Variants in TMEM117 observed in about 807,000 individuals in gnomAD.
TMEM117 encodes transmembrane protein 117.
A neutral mutation model predicts 52.4 loss-of-function variants in TMEM117; 27 were observed. That is an observed-to-expected ratio of 0.51 (90% CI 0.38 to 0.71). TMEM117 has a LOEUF of 0.71. TMEM117 is among the 30% of genes least tolerant of loss of function. The probability of loss-of-function intolerance (pLI) is 0.00; values close to 1 mark genes in which losing one functional copy is unlikely to be tolerated. For synonymous variants in TMEM117, 215 were observed against 206.3 expected (o/e 1.04, Z -0.36); for missense variants, 556 against 630.5 (o/e 0.88, Z 1.26).
intron 2 of TMEM117, among the ~76,000 whole-genome samples, chr12:43,895,848 A>G (rs757508220): frequency 3.3e-5 from 5 of 152,106 alleles, no homozygotes; most frequent in Non-Finnish European, 5.9e-5. Context: ...TTATGTCTCA[A>G]TAGTCTTCAA....
intron 2 of TMEM117, among the ~76,000 whole-genome samples, chr12:43,868,672 T>C (rs1472677258): frequency 6.6e-6 from 1 of 151,952 alleles, no homozygotes; most frequent in Non-Finnish European, 1.5e-5. Context: ...GATGAAGTTA[T>C]ATAAAAATGT....
At chr12:43,890,529 GT>G (rs1301728279) in intron 2 of TMEM117, among the ~76,000 whole-genome samples, 2 of 150,036 alleles carry the variant, frequency 1.3e-5, no homozygotes, top group Non-Finnish European at 1.5e-5. Flanking sequence ...CTTCTTTTTT[GT>G]TTTTTTTTGT....
chr12:43,797,137 A>G, the TMEM117 span: 6 of 1,538,714 alleles, frequency 3.9e-6, no homozygotes, highest in Non-Finnish European at 5.3e-6. Flanking sequence ...TAGCATATCA[A>G]TACATAAACT....
At chr12:44,065,530 T>G (rs1431618152) in intron 3 of TMEM117, among the ~76,000 whole-genome samples, 1 of 152,222 alleles carries the variant, frequency 6.6e-6, no homozygotes, top group Non-Finnish European at 1.5e-5. Context: ...TCATTACATA[T>G]TTCTTAAAAA....
intron 6 of TMEM117, among the ~76,000 whole-genome samples, chr12:44,312,434 C>T (rs1184403494): frequency 6.6e-6 from 1 of 150,960 alleles, no homozygotes; most frequent in Non-Finnish European, 1.5e-5. Flanking sequence ...CTGCAAAGGA[C>T]ATGATTTTTT....
intron 2 of TMEM117, among the ~76,000 whole-genome samples, chr12:43,850,031 C>A (rs564440165): frequency 1.3e-5 from 2 of 152,200 alleles, no homozygotes; most frequent in Middle Eastern, 6.8e-3. Flanking sequence ...CTGTGGTGAG[C>A]AGGTCTGTGC....
intron 2 of TMEM117, among the ~76,000 whole-genome samples, chr12:43,891,571 T>A (rs1944106373): frequency 6.6e-6 from 1 of 151,686 alleles, no homozygotes; most frequent in Non-Finnish European, 1.5e-5. Context: ...TTTCACCATG[T>A]CAGTCAGGAT....
chr12:44,227,381 T>C (rs1322691637), intron 5 of TMEM117, among the ~76,000 whole-genome samples: 1 of 152,026 alleles, frequency 6.6e-6, no homozygotes, highest in Non-Finnish European at 1.5e-5. Flanking sequence ...AGCAGATCAC[T>C]TGAGCCTTGG....
At chr12:43,862,026 C>T (rs558431461) in intron 2 of TMEM117, among the ~76,000 whole-genome samples, 61 of 152,292 alleles carry the variant, frequency 4.0e-4, no homozygotes, top group Non-Finnish European at 8.4e-4. Flanking sequence ...ATGCCAGACC[C>T]TCCAGCTTCT....
intron 5 of TMEM117, among the ~76,000 whole-genome samples, chr12:44,246,655 C>G (rs954395016): frequency 1.3e-5 from 2 of 152,076 alleles, no homozygotes; most frequent in Admixed American, 6.6e-5. Flanking sequence ...GCGTCCAGGT[C>G]AGTCAGTGGA....
intron 3 of TMEM117, among the ~76,000 whole-genome samples, chr12:44,103,812 A>G (rs1348645530): frequency 6.6e-6 from 1 of 151,990 alleles, no homozygotes; most frequent in Non-Finnish European, 1.5e-5. Flanking sequence ...AGAAGCTACA[A>G]TATCTCATCT....
At chr12:44,315,134 A>G (rs995663722) in intron 6 of TMEM117, among the ~76,000 whole-genome samples, 4 of 151,230 alleles carry the variant, frequency 2.6e-5, no homozygotes, top group Admixed American at 6.6e-5. Flanking sequence ...ACTTTTTTGG[A>G]TCTTCTCTTT....
chr12:43,806,162 C>T, the TMEM117 span: 8 of 1,534,908 alleles, frequency 5.2e-6, no homozygotes, highest in Non-Finnish European at 7.0e-6. Context: ...TGCAGCCCTC[C>T]CGGCTCTCCC....
chr12:43,921,411 A>G (rs1192867162), intron 2 of TMEM117, among the ~76,000 whole-genome samples: 1 of 152,162 alleles, frequency 6.6e-6, no homozygotes, highest in Non-Finnish European at 1.5e-5. Context: ...AGTCTGATAG[A>G]TCTAGATTTA....
chr12:43,955,081 A>G (rs1182607837), intron 3 of TMEM117, among the ~76,000 whole-genome samples: 2 of 152,350 alleles, frequency 1.3e-5, no homozygotes, highest in Middle Eastern at 3.4e-3. Flanking sequence ...ATAAAATTCA[A>G]CACCGCTTCA....
chr12:44,087,434 G>GTGTATGTA lies in TMEM117; in HGVS notation c.411-56057_411-56050dup, dbSNP rs60335561. 5.2e-3 allele frequency among the ~76,000 whole-genome samples: 778 copies of GTGTATGTA among 150,088 alleles called. 3 individuals are homozygous for GTGTATGTA. Among genetic ancestry groups the GTGTATGTA allele is most frequent in the Admixed American group, 0.01 (157 of 15,018 alleles). On this transcript the variant is annotated intron_variant, in intron 3 of 7. Coordinates refer to ENST00000266534, the MANE Select transcript of TMEM117 (RefSeq NM_032256.3). The stretch of plus-strand genomic sequence containing the variant: ...TTTTTTCTTACCATTCTTTCTATGT[G>GTGTATGTA]TGTATGTATGTATGTATGTATGTAT...
At chr12:43,865,172 C>T (rs1201277586) in intron 2 of TMEM117, among the ~76,000 whole-genome samples, 1 of 152,114 alleles carries the variant, frequency 6.6e-6, no homozygotes, top group Non-Finnish European at 1.5e-5. Flanking sequence ...TCAGTGAGAC[C>T]AAGAACCCAC....
the TMEM117 span, chr12:43,797,140 CATAAACTTCATAAAACTACATAT>C: frequency 1.5e-5 from 23 of 1,526,980 alleles, no homozygotes; most frequent in African/African-American, 3.1e-4. Context: ...CATATCAATA[CATAAACTTCATAAAACTACATAT>C]ATAAACTTCA....
chr12:44,244,898 T>C (rs1438540055), intron 5 of TMEM117, among the ~76,000 whole-genome samples: 1 of 152,036 alleles, frequency 6.6e-6, no homozygotes, highest in African/African-American at 2.4e-5. Flanking sequence ...TCCAATTTTA[T>C]TCTTCTGTAT....
Sources: gnomAD v4.1 joint callset for allele counts (sites outside exome capture counted in the v4.1 genomes callset) on GRCh38, gnomAD v4.1.1 for gene constraint, MANE v1.5 for transcripts, NCBI Gene and HGNC (gene_info 2026-07-23, HGNC 2026-07-21) for gene names.